The following SLC44A1 variants were observed in gnomAD, a reference collection of about 807,000 sequenced individuals.
SLC44A1 encodes the protein solute carrier family 44 member 1, also known as choline transporter-like protein 1.
Under a neutral mutation model 79.3 loss-of-function variants are expected in SLC44A1, and 26 were observed. The observed-to-expected ratio is 0.33, with a 90% confidence interval of 0.24 to 0.46. The LOEUF is 0.46. SLC44A1 is among the 20% of genes least tolerant of loss of function. The pLI is 1.00. For missense variants in SLC44A1, 688 were observed against 798.1 expected, an observed-to-expected ratio of 0.86 and a Z score of 1.66; for synonymous variants, 263 against 286.2, an observed-to-expected ratio of 0.92 and a Z score of 0.82.
chr9:105,422,260 C>A (rs991260123), intron 15 of SLC44A1, among the ~76,000 whole-genome samples: 33 of 150,680 alleles, frequency 2.2e-4, no homozygotes, highest in African/African-American at 7.6e-4. Context: ...CCTGCCCTGA[C>A]CTTGGGCCTC....
rs932818545 is a variant in SLC44A1 at position 105,299,089 on chromosome 9, G to C, written c.37-131G>C. The C allele has an allele frequency of 1.8e-5, 11 of 622,892 alleles. 1 individual carries two copies. Among genetic ancestry groups the C allele is most frequent in the South Asian group, 1.5e-4 (7 of 47,772 alleles). The allele number at this position is 622,892 out of a possible 1,614,324, so 38.6% of individuals were successfully genotyped here. ...CACAGAAAAGGTGACAAATATTTGAGTTGTGTCTTAAAGGTTCAATAGAAA... is the reference window on the plus strand; with the variant it reads ...CACAGAAAAGGTGACAAATATTTGACTTGTGTCTTAAAGGTTCAATAGAAA... On this transcript the variant is annotated intron_variant, in intron 1 of 15. Coordinates refer to ENST00000374720, the MANE Select transcript of SLC44A1 (RefSeq NM_080546.5).
intron 3 of SLC44A1, among the ~76,000 whole-genome samples, chr9:105,316,011 C>T (rs1831313992): frequency 6.6e-6 from 1 of 152,150 alleles, no homozygotes; most frequent in African/African-American, 2.4e-5. Context: ...AACAAGCGAC[C>T]TAAGTGGTTG....
chr9:105,426,679 ACC>A (rs766688063), intron 15 of SLC44A1, among the ~76,000 whole-genome samples: 2 of 152,174 alleles, frequency 1.3e-5, no homozygotes, highest in South Asian at 4.1e-4. Flanking sequence ...ATCTGCCAGA[ACC>A]TGAATTCAAG....
At chr9:105,414,218 T>C (rs1384992325) in intron 15 of SLC44A1, among the ~76,000 whole-genome samples, 1 of 152,064 alleles carries the variant, frequency 6.6e-6, no homozygotes, top group Non-Finnish European at 1.5e-5. Context: ...ACGCCCACCA[T>C]GCCTGGCTAA....
chr9:105,258,997 G>A (rs563420253), intron 1 of SLC44A1, among the ~76,000 whole-genome samples: 4 of 151,896 alleles, frequency 2.6e-5, no homozygotes, highest in Non-Finnish European at 4.4e-5. Flanking sequence ...GAGCCACCAC[G>A]CCTGTTTGTT....
chr9:105,380,113 A>AACATTTTAACAATACAT (rs1828415911), intron 13 of SLC44A1, among the ~76,000 whole-genome samples: 1 of 152,214 alleles, frequency 6.6e-6, no homozygotes, highest in East Asian at 1.9e-4. Context: ...TGCTTATTTT[A>AACATTTTAACAATACAT]ACAATCGTGG....
chr9:105,426,620 T>C (rs1829326062), intron 15 of SLC44A1, among the ~76,000 whole-genome samples: 1 of 152,218 alleles, frequency 6.6e-6, no homozygotes, highest in African/African-American at 2.4e-5. Context: ...TTCTCATTTA[T>C]AGACAAGAAA....
chr9:105,368,300 TG>T (rs1333509808), intron 12 of SLC44A1, among the ~76,000 whole-genome samples: 1 of 152,040 alleles, frequency 6.6e-6, no homozygotes, highest in Non-Finnish European at 1.5e-5. Context: ...AAATCAAACA[TG>T]TGAGGAAAGG....
Position 105,332,872 on chromosome 9 carries a change from A to G in SLC44A1, c.270-2691A>G, listed in dbSNP as rs549607712. 5.6e-4 allele frequency among the ~76,000 whole-genome samples: 86 copies of G among 152,322 alleles called. No homozygotes were observed. In the South Asian group the frequency reaches 0.016, roughly 28 times the overall value. ...TAATGACACGAATCACTGAGTGCAT[A>G]CTATGTTAGGTGCTTTATATATATT... On this transcript the variant is annotated intron_variant, in intron 3 of 15. Transcript: ENST00000374720.
chr9:105,370,627 T>C (rs1334700275), intron 12 of SLC44A1, among the ~76,000 whole-genome samples: 2 of 152,064 alleles, frequency 1.3e-5, no homozygotes, highest in East Asian at 3.9e-4. Context: ...TTCTAAAAAC[T>C]AATGAGGGAA....
intron 1 of SLC44A1, among the ~76,000 whole-genome samples, chr9:105,279,369 G>A (rs1037658179): frequency 7.3e-5 from 11 of 150,346 alleles, no homozygotes; most frequent in African/African-American, 2.7e-4. Flanking sequence ...CCAGGCTGGG[G>A]TGCAATGGCA....
rs879388662 is a variant in SLC44A1 at position 105,392,401 on chromosome 9, C to CT, written c.*3346dup. On this transcript the variant is annotated 3_prime_UTR_variant, in exon 16 of 16. Coordinates refer to ENST00000374720, the MANE Select transcript of SLC44A1 (RefSeq NM_080546.5). ...TTGTAGAGATGCTCTCTCTCTCTCTCTCTTTTTTTTTTTTTTTTTTTTTTT... is the reference window on the plus strand; with the variant it reads ...TTGTAGAGATGCTCTCTCTCTCTCTCTTCTTTTTTTTTTTTTTTTTTTTTTT... 26 of 319,076 alleles carry CT rather than the reference C, an allele frequency of 8.1e-5. No homozygotes were observed. The highest frequency in any genetic ancestry group is 4.6e-4 in the African/African-American group (13 of 28,334). The allele number at this position is 319,076 out of a possible 1,614,324, so 19.8% of individuals were successfully genotyped here. A position where few individuals can be genotyped will look rare whatever the true frequency, so the allele number is the denominator to read the frequency against.
At chr9:105,251,125 A>G (rs1486541008) in intron 1 of SLC44A1, among the ~76,000 whole-genome samples, 2 of 152,130 alleles carry the variant, frequency 1.3e-5, no homozygotes, top group African/African-American at 2.4e-5. Flanking sequence ...CCAACTGATT[A>G]ATTAGCATTT....
intron 12 of SLC44A1, among the ~76,000 whole-genome samples, chr9:105,373,642 G>A (rs1260144026): frequency 6.6e-6 from 1 of 152,146 alleles, no homozygotes; most frequent in East Asian, 1.9e-4. Context: ...TCAGAAATCT[G>A]GCAAGTTCCC....
intron 15 of SLC44A1, among the ~76,000 whole-genome samples, chr9:105,415,664 G>C (rs999805923): frequency 1.3e-5 from 2 of 152,096 alleles, no homozygotes; most frequent in African/African-American, 4.8e-5. Flanking sequence ...AATACTAAAG[G>C]CATTTAGTGT....
At chr9:105,403,235 C>T (rs1359319793) in intron 15 of SLC44A1, among the ~76,000 whole-genome samples, 1 of 152,078 alleles carries the variant, frequency 6.6e-6, no homozygotes, top group Non-Finnish European at 1.5e-5. Context: ...ATTCTTTCAG[C>T]TTTCTTAGCA....
At chr9:105,375,765 A>G (rs1828260187) in intron 13 of SLC44A1, among the ~76,000 whole-genome samples, 1 of 152,230 alleles carries the variant, frequency 6.6e-6, no homozygotes, top group Admixed American at 6.5e-5. Flanking sequence ...CAAAATATTC[A>G]ATAACATAAT....
chr9:105,255,038 A>G (rs1829671000), intron 1 of SLC44A1, among the ~76,000 whole-genome samples: 1 of 151,718 alleles, frequency 6.6e-6, no homozygotes, highest in Non-Finnish European at 1.5e-5. Flanking sequence ...AATCCACTAA[A>G]GAGGGAAAAA....
chr9:105,343,117 T>G (rs1827149961), intron 4 of SLC44A1, among the ~76,000 whole-genome samples: 1 of 152,174 alleles, frequency 6.6e-6, no homozygotes, highest in African/African-American at 2.4e-5. Flanking sequence ...CAAAGTGTTT[T>G]ATAATACATG....
Sources: allele counts gnomAD v4.1 joint callset (sites outside exome capture counted in the v4.1 genomes callset), GRCh38; gene constraint gnomAD v4.1.1; transcripts MANE v1.5; gene names NCBI Gene and HGNC (gene_info 2026-07-23, HGNC 2026-07-21).